FRG1: variants seen among roughly 807,000 people sequenced by gnomAD.
FRG1 encodes protein FRG1.
In FRG1, 19 loss-of-function variants were observed where a neutral mutation model predicts 37.0. The ratio of observed to expected loss-of-function variants is 0.51; its 90% CI spans 0.36 to 0.75. The LOEUF is 0.75. FRG1 is among the 30% of genes least tolerant of loss of function. The pLI is 0.00. For missense variants in FRG1, 243 were observed against 301.4 expected, an observed-to-expected ratio of 0.81 and a Z score of 1.44; for synonymous variants, 73 against 96.5, an observed-to-expected ratio of 0.76 and a Z score of 1.43.
At chr4:189,961,718 C>CA in intron 7 of FRG1, 104 bp from the exon 8 acceptor site, 1 of 578,118 alleles carries the variant, frequency 1.7e-6, no homozygotes, top group Non-Finnish European at 3.0e-6. Flanking sequence ...TACAATTAGA[C>CA]TTTTTTACAA....
At chr4:189,951,271 C>T (rs1736739861) in intron 2 of FRG1, among the ~76,000 whole-genome samples, 1 of 151,934 alleles carries the variant, frequency 6.6e-6, no homozygotes, top group Non-Finnish European at 1.5e-5. Flanking sequence ...GGGTGGATCA[C>T]GAGGTCGGGA....
At chr4:189,952,725 A>G (rs1197687946) in intron 3 of FRG1, among the ~76,000 whole-genome samples, 3 of 152,174 alleles carry the variant, frequency 2.0e-5, no homozygotes, top group African/African-American at 7.2e-5. Flanking sequence ...AAGCAGTATC[A>G]TTTGGTCAGC....
chr4:189,961,206 T>C, intron 7 of FRG1: 1 of 183,448 alleles, frequency 5.5e-6, no homozygotes, highest in Non-Finnish European at 1.2e-5. Flanking sequence ...CTCAGGTTAG[T>C]CAATCTCTCT....
chr4:189,959,302 G>A (rs952393808), intron 6 of FRG1, among the ~76,000 whole-genome samples: 19 of 152,174 alleles, frequency 1.2e-4, no homozygotes, highest in African/African-American at 3.9e-4. Flanking sequence ...CAGCACATGC[G>A]TTGTAGTCTT....
intron 2 of FRG1, among the ~76,000 whole-genome samples, chr4:189,946,353 A>G (rs1370813491): frequency 2.6e-5 from 4 of 151,234 alleles, no homozygotes; most frequent in Non-Finnish European, 4.4e-5. Context: ...ATATTTCAAG[A>G]AAGTTTATGA....
rs754264447 is a variant in FRG1 at position 189,941,050 on chromosome 4, T to G, written c.41T>G (p.Leu14Arg). Residue 14 changes from leucine (L) to arginine (R), a missense_variant, in exon 1 of 9, where the codon CTC becomes CGC. Transcript: ENST00000226798. The part of the protein sequence containing the change: ...YSYVKSTKLV[L>R]KGTKTKSKKK... ...TACGTGAAGTCTACCAAGCTCGTGC[T>G]CAAGGGAACCAAGACGAAGAGGTGG... 1 of 1,614,120 alleles carries G rather than the reference T, an allele frequency of 6.2e-7. No homozygotes were observed. The highest frequency in any genetic ancestry group is 8.5e-7 in the Non-Finnish European group (1 of 1,179,968).
chr4:189,961,457 G>C (rs1206293377), intron 7 of FRG1: 2 of 161,582 alleles, frequency 1.2e-5, no homozygotes, highest in African/African-American at 4.8e-5. Flanking sequence ...CCCCAGACTA[G>C]AGTGCCATGG....
chr4:189,943,955 C>T (rs539409147), intron 2 of FRG1, among the ~76,000 whole-genome samples: 2 of 152,206 alleles, frequency 1.3e-5, no homozygotes, highest in South Asian at 4.1e-4. Flanking sequence ...GGGTAAATAT[C>T]TAGGGTAGAT....
intron 4 of FRG1, 92 bp from the exon 5 acceptor site, chr4:189,954,945 A>G (rs1472654580): frequency 6.8e-6 from 5 of 731,042 alleles, no homozygotes; most frequent in East Asian, 2.7e-5. Flanking sequence ...TTAGATATGT[A>G]CACAGCCACA....
chr4:189,953,236 A>C lies in FRG1; in HGVS notation c.317+111A>C, dbSNP rs990333917. On this transcript the variant is annotated intron_variant, in intron 4 of 8. Transcript: ENST00000226798. ...CCCACAGGGTAATTTTGATGTAAAA[A>C]ACAAAATAGCTTTTTTGAAAAGTAG... 6.5e-6 allele frequency: 9 copies of C among 1,386,672 alleles called. No homozygotes were observed. In the Admixed American group the frequency reaches 2.9e-4, roughly 45 times the overall value. 85.9% of individuals were successfully genotyped at this position (1,386,672 alleles called of 1,614,324 possible).
At chr4:189,957,997 A>T (rs551866645) in intron 6 of FRG1, among the ~76,000 whole-genome samples, 2 of 151,692 alleles carry the variant, frequency 1.3e-5, no homozygotes, top group Non-Finnish European at 2.9e-5. Flanking sequence ...TATAATTTTC[A>T]ACTGTTTTAC....
intron 2 of FRG1, among the ~76,000 whole-genome samples, chr4:189,948,508 A>G (rs1736621036): frequency 6.6e-6 from 1 of 152,172 alleles, no homozygotes; most frequent in Non-Finnish European, 1.5e-5. Context: ...TCCATTTCCA[A>G]ATCTAAGATA....
intron 1 of FRG1, 125 bp downstream of exon 1, chr4:189,941,196 C>T (rs1736278997): frequency 1.2e-6 from 1 of 858,004 alleles, no homozygotes; most frequent in South Asian, 1.6e-5. Flanking sequence ...CGCCCTGGCC[C>T]CTGTCCGGGC....
chr4:189,954,788 G>C (rs1426190757), intron 4 of FRG1, among the ~76,000 whole-genome samples: 1 of 151,900 alleles, frequency 6.6e-6, no homozygotes, highest in Non-Finnish European at 1.5e-5. Context: ...TAGAGATGGG[G>C]TCTCACTGTG....
chr4:189,950,144 G>A (rs1294196535), intron 2 of FRG1, among the ~76,000 whole-genome samples: 1 of 152,180 alleles, frequency 6.6e-6, no homozygotes, highest in South Asian at 2.1e-4. Flanking sequence ...GTGATGTTGA[G>A]CGTCTTTTCA....
At chr4:189,950,000 T>C (rs1328759667) in intron 2 of FRG1, among the ~76,000 whole-genome samples, 1 of 152,208 alleles carries the variant, frequency 6.6e-6, no homozygotes, top group Non-Finnish European at 1.5e-5. Flanking sequence ...TTTCTCCACA[T>C]CCTGCCCAAC....
At chr4:189,950,771 A>G (rs1306541873) in intron 2 of FRG1, among the ~76,000 whole-genome samples, 1 of 152,160 alleles carries the variant, frequency 6.6e-6, no homozygotes, top group African/African-American at 2.4e-5. Flanking sequence ...TATTTTGCCA[A>G]TCTCATTTCA....
At chr4:189,944,024 T>A (rs555524665) in intron 2 of FRG1, among the ~76,000 whole-genome samples, 5 of 152,160 alleles carry the variant, frequency 3.3e-5, no homozygotes, top group Admixed American at 1.3e-4. Flanking sequence ...TATAAGAAAA[T>A]GCCAAAAGTT....
At position 189,943,272 on chromosome 4, in the gene FRG1, G is replaced by A; in HGVS notation, c.133G>A (p.Gly45Arg). The A allele has an allele frequency of 6.2e-7, 1 of 1,605,712 alleles. No homozygotes were observed. Among genetic ancestry groups the A allele is most frequent in the Non-Finnish European group, 8.5e-7 (1 of 1,176,926 alleles). The change falls in exon 2 of 9, where the codon GGA becomes AGA. Residue 45 changes from glycine (G) to arginine (R), a missense_variant and splice_region_variant. Around this residue, in one of 2 missense-constraint regions of FRG1, gnomAD observed 110 missense variants for 102.2 expected, o/e 1.08. Transcript: ENST00000226798. ...EDEETQLDIV[G>R]IWWTVTNFGE... ...TGAAGAAACCCAGCTTGATATTGTTGGTGAGTCAGTTTTCAGTGCTCTATT... is the reference window on the plus strand; with the variant it reads ...TGAAGAAACCCAGCTTGATATTGTTAGTGAGTCAGTTTTCAGTGCTCTATT...
Sources: allele counts gnomAD v4.1 joint callset (sites outside exome capture counted in the v4.1 genomes callset), GRCh38; gene constraint gnomAD v4.1.1; regional missense constraint gnomAD v4.1.1; transcripts MANE v1.5; gene names NCBI Gene and HGNC (gene_info 2026-07-23, HGNC 2026-07-21).